TMEM132B: variants seen among roughly 807,000 people sequenced by gnomAD.
TMEM132B encodes the protein transmembrane protein 132B.
A neutral mutation model predicts 90.8 loss-of-function variants in TMEM132B; 18 were observed. The ratio of observed to expected loss-of-function variants is 0.20; its 90% CI spans 0.14 to 0.29. The LOEUF (loss-of-function observed/expected upper bound fraction) is 0.29, where lower values mean the gene tolerates loss of function less well. Ranked by LOEUF, TMEM132B falls within the 10% of genes least tolerant of loss-of-function variation. The pLI, the probability that TMEM132B is intolerant of heterozygous loss-of-function variation, is 1.00. For missense variants in TMEM132B, 1,096 were observed against 1,326.8 expected, an observed-to-expected ratio of 0.83 and a Z score of 2.70; for synonymous variants, 504 against 523.3, an observed-to-expected ratio of 0.96 and a Z score of 0.50.
At chr12:125,330,594 T>C (rs1296542295) in intron 1 of TMEM132B, among the ~76,000 whole-genome samples, 1 of 152,226 alleles carries the variant, frequency 6.6e-6, no homozygotes, top group African/African-American at 2.4e-5. Context: ...ATGGCAAAGA[T>C]TTTTTAAAAA....
intron 3 of TMEM132B, among the ~76,000 whole-genome samples, chr12:125,434,882 G>A (rs899304668): frequency 4.6e-5 from 7 of 152,326 alleles, no homozygotes; most frequent in Admixed American, 2.6e-4. Context: ...CAGGAGCGAA[G>A]AGCCCCTCCT....
chr12:125,196,497 C>T (rs1242628974), intron 1 of TMEM132B, among the ~76,000 whole-genome samples: 1 of 152,194 alleles, frequency 6.6e-6, no homozygotes, highest in Non-Finnish European at 1.5e-5. Flanking sequence ...CACATTAGGC[C>T]AGGAATTCAA....
chr12:125,467,270 T>C (rs1052221674), intron 3 of TMEM132B, among the ~76,000 whole-genome samples: 1 of 151,954 alleles, frequency 6.6e-6, no homozygotes, highest in Non-Finnish European at 1.5e-5. Context: ...GATGGTGGGG[T>C]TGGGGATGGG....
intron 2 of TMEM132B, among the ~76,000 whole-genome samples, chr12:125,351,314 A>G (rs542088574): frequency 2.0e-5 from 3 of 152,166 alleles, no homozygotes; most frequent in Non-Finnish European, 4.4e-5. Flanking sequence ...TGGTTTGCCA[A>G]CCCCTGCAAT....
chr12:125,567,977 C>T lies in TMEM132B; in HGVS notation c.1294-15874C>T, dbSNP rs73220942. Among the ~76,000 whole-genome samples the T allele has an allele frequency of 7.9e-3, 1,198 of 152,298 alleles. 6 individuals are homozygous for T. Among genetic ancestry groups the T allele is most frequent in the Non-Finnish European group, 0.013 (882 of 68,010 alleles). ...AGAGGCAAAGGGAGGAAGGACACCT[C>T]GGAGCCAGCCCAGGGTCTAACCTTG... On this transcript the variant is annotated intron_variant, in intron 4 of 8. Transcript: ENST00000682704.
chr12:125,431,474 G>A (rs981178102), intron 3 of TMEM132B, among the ~76,000 whole-genome samples: 1 of 152,184 alleles, frequency 6.6e-6, no homozygotes, highest in African/African-American at 2.4e-5. Flanking sequence ...AGGTGAGAGT[G>A]TCAGGAGAGT....
intron 1 of TMEM132B, among the ~76,000 whole-genome samples, chr12:125,308,407 A>G (rs1876045709): frequency 6.6e-6 from 1 of 151,998 alleles, no homozygotes; most frequent in Admixed American, 6.6e-5. Context: ...GTGGACATCT[A>G]AGCTGTCTCC....
At chr12:125,320,718 C>G (rs776918259) in intron 1 of TMEM132B, among the ~76,000 whole-genome samples, 1 of 152,172 alleles carries the variant, frequency 6.6e-6, no homozygotes, top group African/African-American at 2.4e-5. Flanking sequence ...TGAGTCTGCT[C>G]CTGAAACACC....
At chr12:125,275,669 G>A (rs910494387) in intron 1 of TMEM132B, among the ~76,000 whole-genome samples, 5 of 152,162 alleles carry the variant, frequency 3.3e-5, no homozygotes, top group African/African-American at 9.7e-5. Context: ...CCTAGCTTTG[G>A]AGATTATTGT....
intron 2 of TMEM132B, among the ~76,000 whole-genome samples, chr12:125,387,658 T>C (rs763362188): frequency 1.4e-4 from 22 of 152,262 alleles, no homozygotes; most frequent in Non-Finnish European, 2.9e-4. Context: ...TAGTCATTTA[T>C]TGAGCTGCTG....
chr12:125,587,681 T>G (rs1885212261), intron 5 of TMEM132B: 1 of 152,164 alleles, frequency 6.6e-6, no homozygotes, highest in South Asian at 2.1e-4. Context: ...TCATTTCTGG[T>G]CACACTTGTG....
chr12:125,332,196 C>T (rs1258745753), intron 1 of TMEM132B, among the ~76,000 whole-genome samples: 2 of 152,086 alleles, frequency 1.3e-5, no homozygotes, highest in African/African-American at 4.8e-5. Context: ...GAACATGTTA[C>T]TTAGTATGTT....
intron 1 of TMEM132B, among the ~76,000 whole-genome samples, chr12:125,215,467 A>G (rs9804903): frequency 0.03 from 4,561 of 152,268 alleles, 238 homozygotes; most frequent in African/African-American, 0.1. Context: ...AGCCAGCAGC[A>G]TAGTATGTTC....
chr12:125,608,856 G>GA (rs111267050), intron 5 of TMEM132B, among the ~76,000 whole-genome samples: 58,543 of 151,114 alleles, frequency 0.39, 11,507 homozygotes, highest in African/African-American at 0.42. Flanking sequence ...TGGCACCTTT[G>GA]AAAAAAAAAT....
intron 1 of TMEM132B, among the ~76,000 whole-genome samples, chr12:125,334,617 C>T (rs1876894478): frequency 6.6e-6 from 1 of 152,194 alleles, no homozygotes; most frequent in Admixed American, 6.5e-5. Context: ...GTCAGTGCCC[C>T]TGTTTAGTTG....
intron 5 of TMEM132B, among the ~76,000 whole-genome samples, chr12:125,596,723 C>T (rs1885447818): frequency 6.6e-6 from 1 of 152,162 alleles, no homozygotes; most frequent in Non-Finnish European, 1.5e-5. Flanking sequence ...ACTTTCTGTC[C>T]TCAAGAATGT....
chr12:125,271,062 C>T lies in TMEM132B; in HGVS notation c.68-78390C>T, dbSNP rs1241478662. Among the ~76,000 whole-genome samples the T allele has an allele frequency of 4.6e-5, 7 of 152,086 alleles. No homozygotes were observed. In the East Asian group the frequency reaches 7.7e-4, roughly 17 times the overall value. ...AACTCCTGGGCTCAAGTGATCCTCC[C>T]ACCTCACCCTCCTGAGTTTCTGGGA... On this transcript the variant is annotated intron_variant, in intron 1 of 8. Transcript: ENST00000682704.
chr12:125,650,993 G>A (rs1566102196), intron 7 of TMEM132B, 40 bp downstream of exon 7: 1 of 1,606,012 alleles, frequency 6.2e-7, no homozygotes. Flanking sequence ...AGTCTGTGTT[G>A]ATGAGTGGCC....
intron 5 of TMEM132B, chr12:125,585,661 C>T (rs1885162724): frequency 6.6e-6 from 1 of 152,204 alleles, no homozygotes; most frequent in South Asian, 2.1e-4. Context: ...AGGGGCAGGT[C>T]CAAGTTCACA....
Sources: allele counts gnomAD v4.1 joint callset (sites outside exome capture counted in the v4.1 genomes callset), GRCh38; gene constraint gnomAD v4.1.1; transcripts MANE v1.5; gene names NCBI Gene and HGNC (gene_info 2026-07-23, HGNC 2026-07-21).